The following TERB1 variants were observed in gnomAD, a reference collection of about 807,000 sequenced individuals.
The protein encoded by TERB1 is telomere repeat binding bouquet formation protein 1.
TERB1 carries 63 observed loss-of-function variants against 92.3 expected under a neutral mutation model. That is an observed-to-expected ratio of 0.68 (90% CI 0.56 to 0.84). TERB1 has a LOEUF of 0.84. TERB1 is among the 40% of genes least tolerant of loss of function. The pLI, the probability that TERB1 is intolerant of heterozygous loss-of-function variation, is 0.00. For missense variants in TERB1, 709 were observed against 843.7 expected, an observed-to-expected ratio of 0.84 and a Z score of 1.98; for synonymous variants, 252 against 283.9, an observed-to-expected ratio of 0.89 and a Z score of 1.13.
At chr16:66,767,026 A>G (rs1287321727) in intron 16 of TERB1, among the ~76,000 whole-genome samples, 1 of 152,204 alleles carries the variant, frequency 6.6e-6, no homozygotes, top group Non-Finnish European at 1.5e-5. Context: ...ATGTAGAACT[A>G]TTATAAATTC....
chr16:66,793,211 GTTT>G (rs1174263983), intron 3 of TERB1, among the ~76,000 whole-genome samples: 2 of 93,546 alleles, frequency 2.1e-5, no homozygotes, highest in Non-Finnish European at 3.9e-5. Flanking sequence ...TTGTGGTTTG[GTTT>G]TTTTTTTTTT....
At chr16:66,769,045 C>T (rs1013534293) in intron 14 of TERB1, among the ~76,000 whole-genome samples, 7 of 150,752 alleles carry the variant, frequency 4.6e-5, no homozygotes, top group Admixed American at 6.6e-5. Flanking sequence ...GTGGAGGTTG[C>T]GGTGAGCCGA....
intron 16 of TERB1, among the ~76,000 whole-genome samples, chr16:66,762,721 TCA>T: frequency 1.3e-5 from 2 of 151,448 alleles, no homozygotes; most frequent in Middle Eastern, 6.8e-3. Context: ...TCTCACTCTG[TCA>T]CCCAGACTGG....
chr16:66,757,159 A>G (rs1168624709), intron 18 of TERB1, among the ~76,000 whole-genome samples: 1 of 152,196 alleles, frequency 6.6e-6, no homozygotes, highest in Non-Finnish European at 1.5e-5. Flanking sequence ...AAGAATCACT[A>G]CTTTCTCAAG....
rs1330107960 is a variant in TERB1, at chr16:66,801,484, G to C, written c.-126C>G. ...CCAACATACAGAGTTTCCAAGCGCG[G>C]TAAGGCAGGACAACAACGCGCGGGA... On this transcript the variant is annotated 5_prime_UTR_variant, in exon 1 of 19. Transcript: ENST00000433154. 6.6e-6 allele frequency: 1 copy of C among 152,308 alleles called. No individual in the cohort carries two copies. The highest frequency in any genetic ancestry group is 1.5e-5 in the Non-Finnish European group (1 of 68,124). The allele number at this position is 152,308 out of a possible 1,614,324, so 9.4% of individuals were successfully genotyped here. A position where few individuals can be genotyped will look rare whatever the true frequency, so the allele number is the denominator to read the frequency against.
chr16:66,786,972 TG>T (rs1685237454), intron 6 of TERB1, among the ~76,000 whole-genome samples: 1 of 152,002 alleles, frequency 6.6e-6, no homozygotes, highest in Non-Finnish European at 1.5e-5. Flanking sequence ...GCAGGAAGGG[TG>T]GCATGAGAGA....
chr16:66,797,922 T>C (rs1240551273), intron 2 of TERB1, among the ~76,000 whole-genome samples: 3 of 151,984 alleles, frequency 2.0e-5, no homozygotes, highest in African/African-American at 4.8e-5. Flanking sequence ...CTAAACTGAT[T>C]AGTTAGAAAA....
chr16:66,776,329 CAAAAA>C (rs377113453), intron 11 of TERB1, among the ~76,000 whole-genome samples: 1 of 89,346 alleles, frequency 1.1e-5, no homozygotes, highest in Non-Finnish European at 2.6e-5. Flanking sequence ...AACTCCGTCT[CAAAAA>C]AAAAAAAAAA....
intron 6 of TERB1, 141 bp from the exon 7 acceptor site, chr16:66,786,426 A>G (rs559814974): frequency 1.8e-4 from 112 of 606,984 alleles, no homozygotes; most frequent in Non-Finnish European, 2.9e-4. Flanking sequence ...ATTACGGTGG[A>G]TAAAAATCTG....
At chr16:66,779,053 A>G (rs1307044396) in intron 9 of TERB1, 38 bp from the exon 10 acceptor site, 18 of 1,383,558 alleles carry the variant, frequency 1.3e-5, no homozygotes, top group Non-Finnish European at 1.5e-5. Flanking sequence ...AATATTTCAA[A>G]CAAGACAGCT....
At chr16:66,773,344 T>C (rs987053430) in intron 12 of TERB1, among the ~76,000 whole-genome samples, 2 of 152,004 alleles carry the variant, frequency 1.3e-5, no homozygotes, top group South Asian at 4.2e-4. Context: ...AAAAATAAAG[T>C]AGTTTTTTTA....
At chr16:66,760,915 C>T (rs2018231591) in intron 16 of TERB1, among the ~76,000 whole-genome samples, 2 of 142,940 alleles carry the variant, frequency 1.4e-5, no homozygotes, top group Non-Finnish European at 3.0e-5. Flanking sequence ...AGTTCGAGAC[C>T]AGCCTGGCCA....
At chr16:66,788,432 TACA>T (rs2018764365) in intron 5 of TERB1, 135 bp from the exon 6 acceptor site, 1 of 646,316 alleles carries the variant, frequency 1.5e-6, no homozygotes, top group South Asian at 2.9e-5. Flanking sequence ...TTATTAGTCA[TACA>T]ACAAAATTTC....
intron 5 of TERB1, among the ~76,000 whole-genome samples, chr16:66,789,378 A>T (rs2018785435): frequency 5.1e-5 from 2 of 39,234 alleles, no homozygotes; most frequent in Admixed American, 2.8e-4. Flanking sequence ...AGGTCAGGAG[A>T]TCGAGACCAT....
intron 9 of TERB1, among the ~76,000 whole-genome samples, chr16:66,783,111 C>T (rs1316955719): frequency 6.6e-6 from 1 of 152,196 alleles, no homozygotes; most frequent in Non-Finnish European, 1.5e-5. Flanking sequence ...GCCTCAGCCT[C>T]CCAAAGTGCT....
At chr16:66,770,754 G>A (rs1465266396) in intron 13 of TERB1, among the ~76,000 whole-genome samples, 1 of 151,718 alleles carries the variant, frequency 6.6e-6, no homozygotes, top group Admixed American at 6.6e-5. Flanking sequence ...TTCTGGGCAG[G>A]GATCTCAGGA....
At position 66,796,803 on chromosome 16, in the gene TERB1, G is replaced by A; in HGVS notation, c.-5C>T. On this transcript the variant is annotated 5_prime_UTR_variant, in exon 3 of 19. Coordinates refer to ENST00000433154, the MANE Select transcript of TERB1 (RefSeq NM_001136505.2). ...CTTTGTGTCTTCACTTTCCATGCTT[G>A]TCTATATTCTTTTTCCTTATATTTT... is the stretch of plus-strand genomic sequence containing the variant. 1 of 1,523,538 alleles carries A rather than the reference G, an allele frequency of 6.6e-7. No individual in the cohort carries two copies. Among genetic ancestry groups the A allele is most frequent in the Non-Finnish European group, 8.9e-7 (1 of 1,122,492 alleles). The allele number at this position is 1,523,538 out of a possible 1,614,324, so 94.4% of individuals were successfully genotyped here. A position where few individuals can be genotyped will look rare whatever the true frequency, so the allele number is the denominator to read the frequency against.
At chr16:66,765,700 C>G (rs1234201719) in intron 16 of TERB1, among the ~76,000 whole-genome samples, 1 of 151,674 alleles carries the variant, frequency 6.6e-6, no homozygotes, top group Non-Finnish European at 1.5e-5. Context: ...TCAGGTAATC[C>G]ACCCGCCTCG....
At chr16:66,767,750 T>C (rs2018374192) in intron 15 of TERB1, among the ~76,000 whole-genome samples, 1 of 151,570 alleles carries the variant, frequency 6.6e-6, no homozygotes, top group Admixed American at 6.6e-5. Context: ...TTTTTTGAGA[T>C]GGAGTCTCAC....
Sources: gnomAD v4.1 joint callset for allele counts (sites outside exome capture counted in the v4.1 genomes callset) on GRCh38, gnomAD v4.1.1 for gene constraint, MANE v1.5 for transcripts, NCBI Gene and HGNC (gene_info 2026-07-23, HGNC 2026-07-21) for gene names.